The following CWC27 variants were observed in gnomAD, a reference collection of about 807,000 sequenced individuals.
CWC27 encodes the protein spliceosome-associated protein CWC27 homolog.
CWC27 carries 47 observed loss-of-function variants against 63.6 expected under a neutral mutation model. The observed-to-expected ratio is 0.74, with a 90% CI of 0.58 to 0.94. CWC27 has a LOEUF of 0.94. Among genes scored for constraint, CWC27 ranks in the 40% least tolerant of loss-of-function variants. CWC27 has a pLI of 0.00. For synonymous variants in CWC27, 175 were observed against 179.8 expected, an observed-to-expected ratio of 0.97 and a Z score of 0.22; for missense variants, 495 against 554.3, an observed-to-expected ratio of 0.89 and a Z score of 1.07.
At chr5:64,943,441 G>A (rs180826423) in intron 11 of CWC27, among the ~76,000 whole-genome samples, 31 of 152,226 alleles carry the variant, frequency 2.0e-4, no homozygotes, top group Admixed American at 2.6e-4. Flanking sequence ...GCCCCTTAGC[G>A]TTCTGTACTA....
chr5:65,011,905 C>T (rs1404015447), intron 13 of CWC27, among the ~76,000 whole-genome samples: 1 of 152,140 alleles, frequency 6.6e-6, no homozygotes, highest in Non-Finnish European at 1.5e-5. Flanking sequence ...ACTGAGATTT[C>T]AGATAGCACT....
chr5:64,978,634 G>T (rs1470154573), intron 13 of CWC27, among the ~76,000 whole-genome samples: 8 of 149,726 alleles, frequency 5.3e-5, no homozygotes, highest in Non-Finnish European at 1.0e-4. Flanking sequence ...CGGTGGGGGG[G>T]ATTCCTTGAA....
chr5:65,012,297 C>T (rs528153391), intron 13 of CWC27, among the ~76,000 whole-genome samples: 13 of 152,186 alleles, frequency 8.5e-5, no homozygotes, highest in South Asian at 2.1e-4. Flanking sequence ...ACAAGTTTCT[C>T]GACCCTCAGT....
At chr5:64,807,828 A>AT in intron 10 of CWC27, 1 of 1,531,958 alleles carries the variant, frequency 6.5e-7, no homozygotes, top group Non-Finnish European at 8.7e-7. Flanking sequence ...TTCAACCCGT[A>AT]TTTCTTTCTC....
chr5:64,851,596 A>G (rs1746135052), intron 10 of CWC27, among the ~76,000 whole-genome samples: 1 of 152,206 alleles, frequency 6.6e-6, no homozygotes, highest in African/African-American at 2.4e-5. Context: ...GATGGATGTT[A>G]ACTAGCTTGA....
At chr5:64,933,443 T>C (rs193011687) in intron 11 of CWC27, among the ~76,000 whole-genome samples, 1 of 152,266 alleles carries the variant, frequency 6.6e-6, no homozygotes, top group African/African-American at 2.4e-5. Context: ...TATTTGCACA[T>C]TGCATTGCTC....
At position 64,772,713 on chromosome 5, in the gene CWC27, G is replaced by A. The variant is rs547569128; in HGVS notation, c.43-1978G>A. On this transcript the variant is annotated intron_variant, in intron 1 of 13. Coordinates refer to ENST00000381070, the MANE Select transcript of CWC27 (RefSeq NM_005869.4). ...AGCACTTTGGGAGGCTGAGGCGGGC[G>A]GATCATGAGATCAGGAGCTCGAGAC... is the stretch of plus-strand genomic sequence containing the variant. Among the ~76,000 whole-genome samples, 285 of 150,002 alleles carry A rather than the reference G, an allele frequency of 1.9e-3. 1 individual carries two copies. Among genetic ancestry groups the A allele is most frequent in the African/African-American group, 5.7e-3 (233 of 40,792 alleles).
intron 13 of CWC27, among the ~76,000 whole-genome samples, chr5:65,010,853 G>C (rs1741242397): frequency 6.6e-6 from 1 of 152,174 alleles, no homozygotes; most frequent in Non-Finnish European, 1.5e-5. Flanking sequence ...TATCATGTAA[G>C]AGTTTATAAA....
Position 64,768,981 on chromosome 5 carries a change from T to A in CWC27, c.-166T>A, listed in dbSNP as rs1004753068. 1 of 617,042 alleles carries A rather than the reference T, an allele frequency of 1.6e-6. No homozygotes were observed. Among genetic ancestry groups the A allele is most frequent in the South Asian group, 2.0e-5 (1 of 50,426 alleles). The allele number at this position is 617,042 out of a possible 1,614,324, so 38.2% of individuals were successfully genotyped here. On this transcript the variant is annotated 5_prime_UTR_variant, in exon 1 of 14. Coordinates refer to ENST00000381070, the MANE Select transcript of CWC27 (RefSeq NM_005869.4). ...TGGCGGCGTCCGTGAGGGGCTCCTTTGGGCAGGGGTAGTGTTTGGTGTCCC... is the reference window on the plus strand; with the variant it reads ...TGGCGGCGTCCGTGAGGGGCTCCTTAGGGCAGGGGTAGTGTTTGGTGTCCC...
chr5:64,868,525 G>C (rs1439219755), intron 10 of CWC27, among the ~76,000 whole-genome samples: 1 of 151,984 alleles, frequency 6.6e-6, no homozygotes, highest in Non-Finnish European at 1.5e-5. Context: ...TGTCCCCAAA[G>C]CAGCATTCTG....
intron 11 of CWC27, among the ~76,000 whole-genome samples, chr5:64,924,603 A>C (rs908337919): frequency 3.3e-5 from 5 of 152,208 alleles, no homozygotes; most frequent in African/African-American, 1.2e-4. Context: ...ATCACCCCAA[A>C]TCTAAATGTG....
At chr5:64,900,408 T>G (rs1476488481) in intron 11 of CWC27, among the ~76,000 whole-genome samples, 1 of 152,248 alleles carries the variant, frequency 6.6e-6, no homozygotes, top group Non-Finnish European at 1.5e-5. Context: ...TATTGTGTTG[T>G]TTGTTATTTA....
intron 10 of CWC27, among the ~76,000 whole-genome samples, chr5:64,831,544 A>G (rs1745521128): frequency 6.6e-6 from 1 of 151,950 alleles, no homozygotes; most frequent in Admixed American, 6.6e-5. Flanking sequence ...GGATATAGAT[A>G]TAGATATTTA....
chr5:64,891,400 C>A (rs1266360514), intron 11 of CWC27, among the ~76,000 whole-genome samples: 1 of 152,042 alleles, frequency 6.6e-6, no homozygotes, highest in African/African-American at 2.4e-5. Context: ...GTGCTAGAAA[C>A]CATGCAATAT....
chr5:64,834,927 G>A lies in CWC27; in HGVS notation c.938+30541G>A, dbSNP rs184017190. On this transcript the variant is annotated intron_variant, in intron 10 of 13. Transcript: ENST00000381070. ...GTTTGCAATTCTGGGAGTGTCCCTG[G>A]GTCCTACCGCCAAAACAACTGAAGG... is the stretch of plus-strand genomic sequence containing the variant. Among the ~76,000 whole-genome samples the A allele has an allele frequency of 8.2e-3, 1,248 of 151,686 alleles. 11 individuals carry two copies. Among genetic ancestry groups the A allele is most frequent in the Non-Finnish European group, 0.014 (938 of 67,682 alleles).
chr5:65,017,555 G>A (rs1750070739), intron 13 of CWC27, among the ~76,000 whole-genome samples: 2 of 152,212 alleles, frequency 1.3e-5, no homozygotes, highest in Non-Finnish European at 2.9e-5. Context: ...TAGATTCGTT[G>A]TAATCAACAG....
intron 3 of CWC27, 97 bp from the exon 4 acceptor site, chr5:64,783,739 T>C: frequency 9.5e-7 from 1 of 1,048,058 alleles, no homozygotes; most frequent in East Asian, 2.9e-5. Flanking sequence ...CTGCATTTTT[T>C]ATTAGAAGTT....
At chr5:64,811,873 T>C (rs1744887596) in intron 10 of CWC27, among the ~76,000 whole-genome samples, 1 of 152,076 alleles carries the variant, frequency 6.6e-6, no homozygotes, top group Non-Finnish European at 1.5e-5. Flanking sequence ...AGTCATGTTT[T>C]CATACCTTCT....
chr5:64,933,279 A>G (rs1444337462), intron 11 of CWC27, among the ~76,000 whole-genome samples: 2 of 152,170 alleles, frequency 1.3e-5, no homozygotes, highest in Non-Finnish European at 2.9e-5. Flanking sequence ...ATTAAATCCC[A>G]TTTCTTAAGG....
Sources: gnomAD v4.1 joint callset for allele counts (sites outside exome capture counted in the v4.1 genomes callset) on GRCh38, gnomAD v4.1.1 for gene constraint, MANE v1.5 for transcripts, NCBI Gene and HGNC (gene_info 2026-07-23, HGNC 2026-07-21) for gene names.